VPS13C: variants seen among roughly 807,000 people sequenced by gnomAD.
VPS13C encodes the protein vacuolar protein sorting 13 homolog C.
A neutral mutation model predicts 456.8 loss-of-function variants in VPS13C; 358 were observed. The observed-to-expected ratio is 0.78, with a 90% CI of 0.72 to 0.86. The LOEUF is 0.86. Ranked by LOEUF, VPS13C falls within the 40% of genes least tolerant of loss-of-function variation. The probability of loss-of-function intolerance (pLI) is 0.00; values close to 1 mark genes in which losing one functional copy is unlikely to be tolerated. For synonymous variants in VPS13C, 1,578 were observed against 1,486.7 expected, an observed-to-expected ratio of 1.06 and a Z score of -1.41; for missense variants, 4,818 against 4,385.4, an observed-to-expected ratio of 1.10 and a Z score of -2.79.
chr15:61,982,540 A>AT lies in VPS13C; in HGVS notation c.1947dup (p.Ser650IlefsTer3). On this transcript the variant is annotated frameshift_variant, in exon 21 of 85. Transcript: ENST00000644861. LOFTEE classifies it high-confidence loss of function. Reference sequence around the variant, plus strand: ...TGCTCAAGATCCAATCCCTTATTTGATTGAAAGAATTCAACCACTGCATTG... The same window carrying AT: ...TGCTCAAGATCCAATCCCTTATTTGATTTGAAAGAATTCAACCACTGCATTG... 6.2e-7 allele frequency: 1 copy of AT among 1,608,700 alleles called. No individual in the cohort carries two copies. The highest frequency in any genetic ancestry group is 2.2e-5 in the East Asian group (1 of 44,782).
chr15:61,936,504 C>T lies in VPS13C; in HGVS notation c.5755+93G>A, dbSNP rs1473149825. On this transcript the variant is annotated intron_variant, in intron 48 of 84. Coordinates refer to ENST00000644861, the MANE Select transcript of VPS13C (RefSeq NM_020821.3). ...TAGTACAATACTGAATTAGTTCATA[C>T]CACATTGTGCTGGACAGCTAGAAAA... 2.1e-5 allele frequency: 27 copies of T among 1,270,708 alleles called. No individual in the cohort carries two copies. The East Asian group carries it at 4.7e-4, about 22-fold the overall frequency. The allele number at this position is 1,270,708 out of a possible 1,614,324, so 78.7% of individuals were successfully genotyped here.
At chr15:61,910,616 A>T (rs1425253907) in intron 63 of VPS13C, among the ~76,000 whole-genome samples, 2 of 152,136 alleles carry the variant, frequency 1.3e-5, no homozygotes, top group East Asian at 3.8e-4. Flanking sequence ...AATTATATTT[A>T]AAAATTATCA....
chr15:61,913,490 G>A, intron 61 of VPS13C, 75 bp from the exon 62 acceptor site: 1 of 1,306,240 alleles, frequency 7.7e-7, no homozygotes, highest in East Asian at 2.4e-5. Context: ...GAAAGTTGCT[G>A]GACTACTAGA....
At chr15:61,856,486 G>A (rs1000105224) in intron 82 of VPS13C, 77 bp from the exon 83 acceptor site, 1 of 1,543,382 alleles carries the variant, frequency 6.5e-7, no homozygotes, top group Admixed American at 1.9e-5. Flanking sequence ...CACCCTACTG[G>A]ATGGCAGAGG....
At position 61,917,464 on chromosome 15, in the gene VPS13C, C is replaced by G. The variant is rs1213238089; in HGVS notation, c.7932G>C (p.Leu2644=). 1 of 1,614,020 alleles carries G rather than the reference C, an allele frequency of 6.2e-7. No homozygotes were observed. Among genetic ancestry groups the G allele is most frequent in the Admixed American group, 1.7e-5 (1 of 60,010 alleles). The change falls in exon 60 of 85, where the codon CTG becomes CTC. Residue 2644 remains leucine (L), a synonymous_variant. Transcript: ENST00000644861. ...TACATATGTAGCTCAATTCATCAGGCAGAGCAACTGTATTCACTATGAGAG... is the reference window on the plus strand; with the variant it reads ...TACATATGTAGCTCAATTCATCAGGGAGAGCAACTGTATTCACTATGAGAG... The part of the protein sequence containing the change: ...FLPLIVNTVA[L]PDELSYICTH...
At position 61,981,372 on chromosome 15, in the gene VPS13C, A is replaced by G; in HGVS notation, c.2136T>C (p.Asp712=). 3 of 1,611,206 alleles carry G rather than the reference A, an allele frequency of 1.9e-6. No homozygotes were observed. The highest frequency in any genetic ancestry group is 1.7e-6 in the Non-Finnish European group (2 of 1,179,098). ...PQTGFHHEKS[D]LLILDFGTFQ... is the part of the protein sequence containing the mutation. ...ATGTACCAAAATCTAAAATCAGAAG[A>G]TCTGACTTTTCATGGTGGAAACCCG... The change falls in exon 22 of 85, where the codon GAT becomes GAC. Residue 712 remains aspartate (D), a synonymous_variant. Coordinates refer to ENST00000644861, the MANE Select transcript of VPS13C (RefSeq NM_020821.3).
intron 4 of VPS13C, among the ~76,000 whole-genome samples, 186 bp downstream of exon 4, chr15:62,034,771 T>C (rs1013695714): frequency 6.6e-6 from 1 of 151,906 alleles, no homozygotes; most frequent in Non-Finnish European, 1.5e-5. Flanking sequence ...CAATACTTTA[T>C]ACACAAATGC....
intron 80 of VPS13C, 23 bp downstream of exon 80, chr15:61,869,477 G>T: frequency 6.2e-7 from 1 of 1,612,896 alleles, no homozygotes; most frequent in Non-Finnish European, 8.5e-7. Flanking sequence ...CACATACCTT[G>T]CACATAGTAT....
chr15:61,875,450 CA>C (rs960807308), intron 76 of VPS13C, among the ~76,000 whole-genome samples: 3 of 152,048 alleles, frequency 2.0e-5, no homozygotes, highest in African/African-American at 7.2e-5. Context: ...GTCCCTTCCA[CA>C]ATGGTGGAAC....
At position 61,947,266 on chromosome 15, in the gene VPS13C, G is replaced by A; in HGVS notation, c.4803C>T (p.Ile1601=). The A allele has an allele frequency of 1.2e-6, 2 of 1,609,302 alleles. No homozygotes were observed. The highest frequency in any genetic ancestry group is 1.7e-6 in the Non-Finnish European group (2 of 1,178,422). Residue 1601 remains isoleucine (I), a synonymous_variant, in exon 43 of 85, where the codon ATC becomes ATT. Coordinates refer to ENST00000644861, the MANE Select transcript of VPS13C (RefSeq NM_020821.3). ...ISQKDVFDLK[I]TAELNAFNVF... ...CATTAAATGCATTTAATTCAGCTGT[G>A]ATCTTTAAATCAAACACATCCTTTT...
chr15:61,977,251 A>G, intron 23 of VPS13C, 52 bp from the exon 24 acceptor site: 1 of 1,036,966 alleles, frequency 9.6e-7, no homozygotes, highest in Non-Finnish European at 1.4e-6. Context: ...ACAGCCATGG[A>G]ACATGGATAA....
rs766062047 is a variant in VPS13C, at chr15:61,922,730, T to A, written c.6642A>T (p.Thr2214=). 6 of 1,611,616 alleles carry A rather than the reference T, an allele frequency of 3.7e-6. No homozygotes were observed. The East Asian group carries it at 1.3e-4, about 36-fold the overall frequency. The change falls in exon 54 of 85, where the codon ACA becomes ACT. Residue 2214 remains threonine, a synonymous_variant. Transcript: ENST00000644861. ...ISPIILNTVL[T]IMAALSPKTK... Reference sequence around the variant, plus strand: ...TTTTTGGAGACAATGCAGCCATGATTGTCAACACAGTATTAAGAATTATGG... The same window carrying A: ...TTTTTGGAGACAATGCAGCCATGATAGTCAACACAGTATTAAGAATTATGG...
intron 13 of VPS13C, among the ~76,000 whole-genome samples, chr15:62,009,747 G>A (rs1233592162): frequency 6.6e-6 from 1 of 152,090 alleles, no homozygotes; most frequent in Non-Finnish European, 1.5e-5. Flanking sequence ...CACCAAGCCT[G>A]TCACCCCAAC....
chr15:61,999,921 AG>A (rs2046546611), intron 16 of VPS13C, among the ~76,000 whole-genome samples: 2 of 145,980 alleles, frequency 1.4e-5, no homozygotes, highest in South Asian at 2.2e-4. Flanking sequence ...AAAAAAAAAA[AG>A]GAGATAAAAA....
chr15:61,936,668 G>A lies in VPS13C; in HGVS notation c.5684C>T (p.Pro1895Leu). Residue 1895 changes from proline to leucine, a missense_variant, in exon 48 of 85, where the codon CCT becomes CTT. Pro to Leu is a moderately conservative substitution (Grantham distance 98). Around this residue, in one of 3 missense-constraint regions of VPS13C, gnomAD observed 4,552 missense variants for 4,130.6 expected, o/e 1.10. Coordinates refer to ENST00000644861, the MANE Select transcript of VPS13C (RefSeq NM_020821.3). ...TACAGTCTCCTGCACAGACTGTGTA[G>A]GGCTTGGTTGTGAGGAAGCTTCTCC... ...NLGEASSQPS[P>L]TQSVQETVRV... The A allele has an allele frequency of 6.2e-7, 1 of 1,613,344 alleles. No homozygotes were observed.
Position 61,854,835 on chromosome 15 carries a change from T to TA in VPS13C, c.11160+35dup, listed in dbSNP as rs759926776. 35 of 1,558,032 alleles carry TA rather than the reference T, an allele frequency of 2.2e-5. No individual in the cohort carries two copies. In the East Asian group the frequency reaches 2.5e-4, roughly 11 times the overall value. ...GAGGCTTTTAAAAAAGTATTTCAGC[T>TA]AAAAAAAATTGAGGCATGCTCTTTA... On this transcript the variant is annotated intron_variant, in intron 84 of 84. Transcript: ENST00000644861.
At position 61,947,241 on chromosome 15, in the gene VPS13C, C is replaced by T; in HGVS notation, c.4828G>A (p.Val1610Ile). Residue 1610 changes from valine (V) to isoleucine (I), a missense_variant, in exon 43 of 85, where the codon GTC becomes ATC. Physicochemically the swap from Val to Ile is conservative, Grantham distance 29. Coordinates refer to ENST00000644861, the MANE Select transcript of VPS13C (RefSeq NM_020821.3). The part of the protein sequence containing the change: ...KITAELNAFN[V>I]FVCDQKCNIA... ...TTACACTTCTGATCACAGACAAAGA[C>T]ATTAAATGCATTTAATTCAGCTGTG... is the stretch of plus-strand genomic sequence containing the variant. 4 of 1,607,566 alleles carry T rather than the reference C, an allele frequency of 2.5e-6. No individual in the cohort carries two copies. Among genetic ancestry groups the T allele is most frequent in the Non-Finnish European group, 3.4e-6 (4 of 1,177,740 alleles).
intron 15 of VPS13C, among the ~76,000 whole-genome samples, chr15:62,001,508 C>T (rs568163220): frequency 1.1e-4 from 16 of 151,340 alleles, no homozygotes; most frequent in African/African-American, 2.7e-4. Context: ...TTTGTTTGTT[C>T]GTATTTACTT....
intron 73 of VPS13C, chr15:61,879,407 A>T (rs1215966509): frequency 6.6e-6 from 1 of 152,132 alleles, no homozygotes; most frequent in Non-Finnish European, 1.5e-5. Context: ...AACGCCAGGA[A>T]AGCCTGTGGT....
Sources: gnomAD v4.1 joint callset for allele counts (sites outside exome capture counted in the v4.1 genomes callset) on GRCh38, gnomAD v4.1.1 for gene constraint, gnomAD v4.1.1 regional missense constraint, MANE v1.5 for transcripts, NCBI Gene and HGNC (gene_info 2026-07-23, HGNC 2026-07-21) for gene names.